The following SELP variants were observed in gnomAD, a reference collection of about 807,000 sequenced individuals.
The protein encoded by SELP is P-selectin.
A neutral mutation model predicts 104.1 loss-of-function variants in SELP; 92 were observed. The ratio of observed to expected loss-of-function variants is 0.88; its 90% CI spans 0.75 to 1.05. The LOEUF (loss-of-function observed/expected upper bound fraction) is 1.05. Among genes scored for constraint, SELP ranks in the 50% least tolerant of loss-of-function variants. SELP has a pLI of 0.00. For missense variants in SELP, 1,022 were observed against 1,017.3 expected, an observed-to-expected ratio of 1.00 and a Z score of -0.06; for synonymous variants, 397 against 364.5, an observed-to-expected ratio of 1.09 and a Z score of -1.01.
At chr1:169,601,662 A>T (rs1304301390) in intron 10 of SELP, among the ~76,000 whole-genome samples, 2 of 152,192 alleles carry the variant, frequency 1.3e-5, no homozygotes, top group Non-Finnish European at 2.9e-5. Flanking sequence ...ACTGGGTGAT[A>T]GTGTAGTTCA....
At chr1:169,614,879 C>T (rs749368201) in intron 3 of SELP, among the ~76,000 whole-genome samples, 4 of 152,154 alleles carry the variant, frequency 2.6e-5, no homozygotes, top group East Asian at 1.9e-4. Flanking sequence ...CTATTCACTT[C>T]GCTCCCTGAC....
chr1:169,607,673 T>C (rs1662270558), intron 8 of SELP, among the ~76,000 whole-genome samples: 1 of 152,144 alleles, frequency 6.6e-6, no homozygotes, highest in Admixed American at 6.5e-5. Flanking sequence ...TAAATAACCA[T>C]ATACGAAGAG....
At chr1:169,616,347 C>T (rs1386224906) in intron 3 of SELP, among the ~76,000 whole-genome samples, 1 of 152,134 alleles carries the variant, frequency 6.6e-6, no homozygotes, top group Non-Finnish European at 1.5e-5. Flanking sequence ...GGCTAAAAAA[C>T]ACCAACTTTG....
At chr1:169,618,999 C>T in intron 2 of SELP, 130 bp downstream of exon 2, 1 of 656,832 alleles carries the variant, frequency 1.5e-6, no homozygotes, top group Non-Finnish European at 2.6e-6. Context: ...ATTTGTCTTC[C>T]AGCAATCTGG....
chr1:169,622,693 C>T (rs975016274), intron 1 of SELP, among the ~76,000 whole-genome samples: 2 of 152,098 alleles, frequency 1.3e-5, no homozygotes, highest in Non-Finnish European at 2.9e-5. Flanking sequence ...CATTTTAACA[C>T]ATAGAGACTT....
chr1:169,612,347 A>G lies in SELP; in HGVS notation c.831T>C (p.His277=), dbSNP rs747866877. 1.2e-6 allele frequency: 2 copies of G among 1,614,148 alleles called. No homozygotes were observed. The highest frequency in any genetic ancestry group is 8.5e-7 in the Non-Finnish European group (1 of 1,180,016). Residue 277 remains histidine, a synonymous_variant, in exon 6 of 17, where the codon CAT becomes CAC. Transcript: ENST00000263686. ...IPERGNMTCL[H]SAKAFQHQSS... is the part of the protein sequence containing the mutation. ...ACTGATGCTGGAATGCTTTTGCAGA[A>G]TGAAGGCAGGTCATGTTTCCTCGTT... is the stretch of plus-strand genomic sequence containing the variant.
chr1:169,628,726 T>C (rs1008843321), intron 1 of SELP, among the ~76,000 whole-genome samples: 2 of 152,186 alleles, frequency 1.3e-5, no homozygotes, highest in South Asian at 2.1e-4. Flanking sequence ...ACCTTTGAAA[T>C]AGAGGAGGAT....
intron 1 of SELP, among the ~76,000 whole-genome samples, chr1:169,626,760 T>C: frequency 6.6e-6 from 1 of 152,102 alleles, no homozygotes; most frequent in Non-Finnish European, 1.5e-5. Context: ...AGTGGCATGA[T>C]CTGGGTTCAC....
intron 10 of SELP, among the ~76,000 whole-genome samples, chr1:169,601,733 T>C (rs139342787): frequency 6.6e-6 from 1 of 152,326 alleles, no homozygotes; most frequent in East Asian, 1.9e-4. Context: ...GTCTCCATAC[T>C]TCAAGCTATA....
intron 7 of SELP, among the ~76,000 whole-genome samples, chr1:169,610,385 G>A (rs1344887456): frequency 6.6e-6 from 1 of 152,140 alleles, no homozygotes; most frequent in Non-Finnish European, 1.5e-5. Context: ...GTTTCCTCAT[G>A]CTCTTCCTTG....
chr1:169,597,316 C>T, intron 10 of SELP, 140 bp from the exon 11 acceptor site: 1 of 669,302 alleles, frequency 1.5e-6, no homozygotes, highest in Non-Finnish European at 2.4e-6. Context: ...AGCAGCATTC[C>T]ACAACATATC....
rs759638724 is a variant in SELP, at chr1:169,619,122, A to G, written c.94+7T>C. 2 of 1,608,600 alleles carry G rather than the reference A, an allele frequency of 1.2e-6. No individual in the cohort carries two copies. The highest frequency in any genetic ancestry group is 1.7e-6 in the Non-Finnish European group (2 of 1,175,252). ...AGGCCTAAGTGAAAAGTTAGCATAAAGTTTACCAGAGATCAGGGCACTGAA... is the reference window on the plus strand; with the variant it reads ...AGGCCTAAGTGAAAAGTTAGCATAAGGTTTACCAGAGATCAGGGCACTGAA... On this transcript the variant is annotated splice_region_variant and intron_variant, in intron 2 of 16. Transcript: ENST00000263686.
chr1:169,610,697 T>C (rs1485300247), intron 7 of SELP, among the ~76,000 whole-genome samples: 1 of 152,104 alleles, frequency 6.6e-6, no homozygotes, highest in Non-Finnish European at 1.5e-5. Context: ...GAGAATCGTT[T>C]GAACCTGGGA....
intron 6 of SELP, 125 bp from the exon 7 acceptor site, chr1:169,611,802 C>G (rs1662551048): frequency 2.2e-6 from 2 of 912,748 alleles, no homozygotes; most frequent in African/African-American, 1.7e-5. Context: ...TCAAGAGACC[C>G]TAATGATGTT....
intron 7 of SELP, among the ~76,000 whole-genome samples, chr1:169,610,141 C>A (rs1049433021): frequency 2.7e-5 from 4 of 150,906 alleles, no homozygotes; most frequent in Non-Finnish European, 5.9e-5. Flanking sequence ...GAAATTGAAC[C>A]TGAAAAGAGT....
intron 13 of SELP, 107 bp downstream of exon 13, chr1:169,594,585 A>C: frequency 1.6e-4 from 154 of 980,584 alleles, no homozygotes; most frequent in Non-Finnish European, 2.2e-4. Context: ...GCAGGGGGAA[A>C]CCCGGGGATG....
intron 5 of SELP, among the ~76,000 whole-genome samples, chr1:169,612,643 G>A (rs901057201): frequency 6.6e-6 from 1 of 152,074 alleles, no homozygotes; most frequent in Admixed American, 6.6e-5. Flanking sequence ...CCTCATCATT[G>A]TACTCTGTTT....
rs1308837277 is a variant in SELP at position 169,613,020 on chromosome 1, G to C, written c.684C>G (p.Phe228Leu). Residue 228 changes from phenylalanine to leucine, a missense_variant, in exon 5 of 17, where the codon TTC becomes TTG. Transcript: ENST00000263686. ...GNFSFNSQCS[F>L]HCTDGYQVNG... ...TTACTTGGTACCCGTCAGTGCAGTG[G>C]AAGCTGCACTGCGAGTTAAAAGAGA... The C allele has an allele frequency of 6.2e-7, 1 of 1,613,448 alleles. No individual in the cohort carries two copies. Among genetic ancestry groups the C allele is most frequent in the Non-Finnish European group, 8.5e-7 (1 of 1,179,432 alleles).
intron 1 of SELP, among the ~76,000 whole-genome samples, chr1:169,620,379 CTTTT>C (rs10603647): frequency 1.2e-4 from 15 of 130,228 alleles, no homozygotes; most frequent in Middle Eastern, 3.6e-3. Flanking sequence ...TTCCACTGTA[CTTTT>C]TTTTTTTTTT....
Sources: gnomAD v4.1 joint callset for allele counts (sites outside exome capture counted in the v4.1 genomes callset) on GRCh38, gnomAD v4.1.1 for gene constraint, MANE v1.5 for transcripts, NCBI Gene and HGNC (gene_info 2026-07-23, HGNC 2026-07-21) for gene names.